PSIP1: variants seen among roughly 807,000 people sequenced by gnomAD.
The protein encoded by PSIP1 is PC4 and SRSF1 interacting protein 1, also known as PC4 and SFRS1-interacting protein.
A neutral mutation model predicts 74.7 loss-of-function variants in PSIP1; 19 were observed. The ratio of observed to expected loss-of-function variants is 0.25; its 90% CI spans 0.18 to 0.37. The LOEUF is 0.37. Among genes scored for constraint, PSIP1 ranks in the 10% least tolerant of loss-of-function variants. PSIP1 has a pLI of 1.00. For missense variants in PSIP1, 601 were observed against 614.3 expected (o/e 0.98, Z 0.23); for synonymous variants, 222 against 195.3 (o/e 1.14, Z -1.14).
chr9:15,497,105 C>A (rs2037110390), intron 3 of PSIP1, among the ~76,000 whole-genome samples: 1 of 152,058 alleles, frequency 6.6e-6, no homozygotes, highest in Non-Finnish European at 1.5e-5. Flanking sequence ...AACTTGGACA[C>A]AAATGTTCAC....
At chr9:15,482,908 G>A (rs117740753) in intron 6 of PSIP1, among the ~76,000 whole-genome samples, 4 of 152,256 alleles carry the variant, frequency 2.6e-5, no homozygotes, top group Non-Finnish European at 5.9e-5. Flanking sequence ...AGCAGCCTAT[G>A]TGGCAAGTAT....
At chr9:15,470,364 G>A (rs2035771113) in intron 10 of PSIP1, among the ~76,000 whole-genome samples, 1 of 152,026 alleles carries the variant, frequency 6.6e-6, no homozygotes, top group African/African-American at 2.4e-5. Context: ...TAATCATTGT[G>A]CATGTAACAA....
intron 8 of PSIP1, 94 bp downstream of exon 8, chr9:15,478,383 T>G (rs1016180776): frequency 3.7e-5 from 37 of 992,894 alleles, no homozygotes; most frequent in Non-Finnish European, 4.8e-5. Flanking sequence ...ACAAACATCC[T>G]GTAAGAGAAA....
At chr9:15,470,108 G>A in intron 10 of PSIP1, 115 bp from the exon 11 acceptor site, 2 of 758,666 alleles carry the variant, frequency 2.6e-6, no homozygotes, top group South Asian at 1.6e-5. Flanking sequence ...AGCCTAGACT[G>A]CAAAGGAACT....
intron 3 of PSIP1, among the ~76,000 whole-genome samples, chr9:15,490,543 C>T (rs566445011): frequency 2.0e-5 from 3 of 151,906 alleles, no homozygotes; most frequent in South Asian, 4.1e-4. Context: ...ATTAGCCGGG[C>T]GTGGTGGCGT....
chr9:15,470,019 C>G, intron 10 of PSIP1, 26 bp from the exon 11 acceptor site: 1 of 1,571,864 alleles, frequency 6.4e-7, no homozygotes, highest in South Asian at 1.1e-5. Context: ...AAAAATATTT[C>G]AACACATTGG....
chr9:15,473,923 A>C (rs2035957104), intron 9 of PSIP1, 86 bp downstream of exon 9: 1 of 797,206 alleles, frequency 1.3e-6, no homozygotes, highest in Non-Finnish European at 1.7e-6. Flanking sequence ...AACAAAAAAA[A>C]AAACAAAAAA....
At chr9:15,500,996 A>C (rs987020443) in intron 3 of PSIP1, among the ~76,000 whole-genome samples, 2 of 152,210 alleles carry the variant, frequency 1.3e-5, no homozygotes, top group Non-Finnish European at 2.9e-5. Flanking sequence ...GCCAAAGCTG[A>C]ACATTTTAAA....
Position 15,468,841 on chromosome 9 carries a change from T to C in PSIP1, c.1209A>G (p.Ile403Met), listed in dbSNP as rs761406442. ...HTEMITTLKK[I>M]RRFKVSQVIM... is the part of the protein sequence containing the mutation. ...TTACCTGACTAACTTTGAATCGCCG[T>C]ATCTGAGAAAACAATATACATTCAT... Residue 403 changes from isoleucine to methionine, a missense_variant and splice_region_variant, in exon 14 of 16, where the codon ATA becomes ATG. This residue lies in a region of PSIP1 where 538 missense variants were observed against 507.6 expected (regional missense o/e 1.06). Transcript: ENST00000380733. 5 of 1,612,788 alleles carry C rather than the reference T, an allele frequency of 3.1e-6. No individual in the cohort carries two copies. Among genetic ancestry groups the C allele is most frequent in the Non-Finnish European group, 3.4e-6 (4 of 1,178,952 alleles).
At chr9:15,501,867 A>ATATATATATATAT (rs1188842040) in intron 3 of PSIP1, among the ~76,000 whole-genome samples, 10 of 144,404 alleles carry the variant, frequency 6.9e-5, no homozygotes, top group African/African-American at 1.9e-4. Context: ...ATATATATAT[A>ATATATATATATAT]AAACGCACAC....
intron 3 of PSIP1, among the ~76,000 whole-genome samples, chr9:15,503,432 G>C (rs1405226091): frequency 6.6e-6 from 1 of 151,996 alleles, no homozygotes; most frequent in African/African-American, 2.4e-5. Flanking sequence ...TAAGGCAGGA[G>C]GATCACTTGA....
chr9:15,478,406 G>C, intron 8 of PSIP1, 71 bp downstream of exon 8: 1 of 1,081,474 alleles, frequency 9.2e-7, no homozygotes, highest in Non-Finnish European at 1.4e-6. Flanking sequence ...TGATAAAATC[G>C]CAGAGATATG....
chr9:15,499,924 G>C (rs2037254703), intron 3 of PSIP1, among the ~76,000 whole-genome samples: 1 of 149,648 alleles, frequency 6.7e-6, no homozygotes, highest in Non-Finnish European at 1.5e-5. Context: ...GGAAATCAGA[G>C]CCAAATATAT....
intron 8 of PSIP1, among the ~76,000 whole-genome samples, chr9:15,477,728 G>A (rs1283019338): frequency 2.6e-5 from 4 of 151,908 alleles, no homozygotes; most frequent in African/African-American, 4.8e-5. Context: ...CAAAAAACAC[G>A]CACAATTTCC....
intron 14 of PSIP1, among the ~76,000 whole-genome samples, chr9:15,467,307 C>T (rs913645036): frequency 5.9e-5 from 9 of 152,072 alleles, no homozygotes; most frequent in Admixed American, 3.3e-4. Flanking sequence ...TATTTTTGTG[C>T]CTAATAAAGG....
At chr9:15,471,790 G>T (rs2035842249) in intron 10 of PSIP1, 1 of 946,132 alleles carries the variant, frequency 1.1e-6, no homozygotes, top group Non-Finnish European at 1.3e-6. Context: ...AATTGTTCAA[G>T]AATTGTTTTA....
At chr9:15,466,955 C>T (rs1010987746) in intron 14 of PSIP1, 96 bp from the exon 15 acceptor site, 10 of 844,350 alleles carry the variant, frequency 1.2e-5, no homozygotes, top group Non-Finnish European at 1.9e-5. Flanking sequence ...ACAACATGGC[C>T]ATCGTGTTTC....
intron 6 of PSIP1, 51 bp from the exon 7 acceptor site, chr9:15,479,738 A>C (rs1387348751): frequency 3.4e-6 from 5 of 1,460,012 alleles, no homozygotes; most frequent in Non-Finnish European, 4.8e-6. Context: ...AGGCACTCAA[A>C]GTTTAATTCG....
At chr9:15,493,602 T>C (rs1269210781) in intron 3 of PSIP1, among the ~76,000 whole-genome samples, 1 of 152,194 alleles carries the variant, frequency 6.6e-6, no homozygotes, top group Non-Finnish European at 1.5e-5. Flanking sequence ...CTGGATAGTT[T>C]ATAAAGAAAA....
Sources: allele counts gnomAD v4.1 joint callset (sites outside exome capture counted in the v4.1 genomes callset), GRCh38; gene constraint gnomAD v4.1.1; regional missense constraint gnomAD v4.1.1; transcripts MANE v1.5; gene names NCBI Gene and HGNC (gene_info 2026-07-23, HGNC 2026-07-21).